The following BTBD9 variants were observed in gnomAD, a reference collection of about 807,000 sequenced individuals.
BTBD9 encodes BTB/POZ domain-containing protein 9.
A neutral mutation model predicts 64.3 loss-of-function variants in BTBD9; 49 were observed. That is an observed-to-expected ratio of 0.76 (90% CI 0.61 to 0.97). The LOEUF (loss-of-function observed/expected upper bound fraction) is 0.97. BTBD9 is among the 50% of genes least tolerant of loss of function. The pLI, the probability that BTBD9 is intolerant of heterozygous loss-of-function variation, is 0.00. For missense variants in BTBD9, 598 were observed against 762.1 expected (o/e 0.78, Z 2.53); for synonymous variants, 260 against 274.7 (o/e 0.95, Z 0.53).
intron 9 of BTBD9, among the ~76,000 whole-genome samples, chr6:38,215,965 T>G (rs1762996392): frequency 6.6e-6 from 1 of 152,210 alleles, no homozygotes; most frequent in Non-Finnish European, 1.5e-5. Context: ...CTTGCCTAAA[T>G]ACTGCCCCAG....
chr6:38,366,267 C>T (rs570675035), intron 6 of BTBD9, among the ~76,000 whole-genome samples: 1 of 152,236 alleles, frequency 6.6e-6, no homozygotes, highest in Admixed American at 6.5e-5. Context: ...ATAAGTACCC[C>T]CTTCCTTGCT....
At position 38,586,417 on chromosome 6, in the gene BTBD9, A is replaced by G. The variant is rs944092510; in HGVS notation, c.815-5980T>C. Among the ~76,000 whole-genome samples the G allele has an allele frequency of 2.7e-4, 35 of 127,970 alleles. 1 individual carries two copies. Among genetic ancestry groups the G allele is most frequent in the Admixed American group, 2.6e-3 (34 of 13,010 alleles). 84.0% of individuals were successfully genotyped at this position (127,970 alleles called of 152,430 possible). On this transcript the variant is annotated intron_variant, in intron 4 of 10. Coordinates refer to ENST00000481247, the MANE Select transcript of BTBD9 (RefSeq NM_001099272.2). ...AACACTGTTTGGATCTTTTTTTTTT[A>G]AGGGGGAAAAAAAATCCCTGTAATT...
chr6:38,568,426 C>T (rs1457135314), intron 6 of BTBD9, among the ~76,000 whole-genome samples: 1 of 152,202 alleles, frequency 6.6e-6, no homozygotes, highest in Non-Finnish European at 1.5e-5. Context: ...GTCCTAGAAA[C>T]TCTTCCTCAC....
At chr6:38,332,273 G>A (rs1763705083) in intron 7 of BTBD9, among the ~76,000 whole-genome samples, 1 of 152,166 alleles carries the variant, frequency 6.6e-6, no homozygotes, top group South Asian at 2.1e-4. Context: ...TATTAATACA[G>A]TTTCCTACAG....
chr6:38,627,195 G>A (rs1459467509), intron 1 of BTBD9, among the ~76,000 whole-genome samples: 4 of 152,204 alleles, frequency 2.6e-5, no homozygotes, highest in Non-Finnish European at 2.9e-5. Flanking sequence ...ATGCAGGTCA[G>A]AAAATAAAGG....
chr6:38,613,330 TA>T (rs1206686613), intron 1 of BTBD9, among the ~76,000 whole-genome samples: 2 of 152,270 alleles, frequency 1.3e-5, no homozygotes, highest in East Asian at 3.9e-4. Flanking sequence ...CTGCCAGAAT[TA>T]AAATCTCAGG....
chr6:38,295,139 T>C (rs1419498707), intron 7 of BTBD9, among the ~76,000 whole-genome samples: 2 of 152,184 alleles, frequency 1.3e-5, no homozygotes, highest in Admixed American at 1.3e-4. Context: ...TTATGACTTA[T>C]GCTTTTCCCT....
intron 6 of BTBD9, among the ~76,000 whole-genome samples, chr6:38,574,060 C>T (rs1359118306): frequency 1.3e-5 from 2 of 152,166 alleles, no homozygotes; most frequent in South Asian, 2.1e-4. Context: ...TCTCCATCTC[C>T]AGTTAAAGGC....
At chr6:38,509,024 G>A (rs552992315) in intron 6 of BTBD9, among the ~76,000 whole-genome samples, 1 of 152,270 alleles carries the variant, frequency 6.6e-6, no homozygotes, top group South Asian at 2.1e-4. Flanking sequence ...CCAGGACAGG[G>A]ACTCTAGCAT....
intron 6 of BTBD9, among the ~76,000 whole-genome samples, chr6:38,524,905 T>C (rs1773419397): frequency 6.6e-6 from 1 of 152,178 alleles, no homozygotes; most frequent in Non-Finnish European, 1.5e-5. Flanking sequence ...CTGGAGTAGC[T>C]GGTAGTGTCA....
At chr6:38,293,288 T>G (rs901247888) in intron 7 of BTBD9, among the ~76,000 whole-genome samples, 2 of 152,212 alleles carry the variant, frequency 1.3e-5, no homozygotes, top group Non-Finnish European at 2.9e-5. Flanking sequence ...CAAGCTCCAT[T>G]GAATTTCTTC....
In BTBD9 at chr6:38,572,793, T is replaced by A. The variant is rs149832133; in HGVS notation, c.1154+4807A>T. 6.3e-3 allele frequency among the ~76,000 whole-genome samples: 919 copies of A among 146,808 alleles called. 4 individuals carry two copies. Among genetic ancestry groups the A allele is most frequent in the African/African-American group, 9.6e-3 (383 of 39,880 alleles). ...AAAAAAAAACAAGTAGTGGAAAAAA[T>A]ATATATATATACATAAAAGTTTAAC... On this transcript the variant is annotated intron_variant, in intron 6 of 10. Coordinates refer to ENST00000481247, the MANE Select transcript of BTBD9 (RefSeq NM_001099272.2).
intron 1 of BTBD9, among the ~76,000 whole-genome samples, chr6:38,620,052 C>T (rs1167706146): frequency 6.6e-6 from 1 of 152,204 alleles, no homozygotes; most frequent in Non-Finnish European, 1.5e-5. Context: ...GACCCCACCA[C>T]TTTTCCTTAT....
At chr6:38,409,408 T>C (rs1024015193) in intron 6 of BTBD9, among the ~76,000 whole-genome samples, 3 of 152,218 alleles carry the variant, frequency 2.0e-5, no homozygotes, top group African/African-American at 7.2e-5. Context: ...AGATGTAAGA[T>C]AGAGTACCCT....
At chr6:38,617,413 G>C (rs1363097523) in intron 1 of BTBD9, among the ~76,000 whole-genome samples, 2 of 152,082 alleles carry the variant, frequency 1.3e-5, no homozygotes, top group Non-Finnish European at 2.9e-5. Context: ...GGCTAGTCCT[G>C]CTTCTCAAAA....
chr6:38,361,726 G>C (rs568205289), intron 6 of BTBD9, among the ~76,000 whole-genome samples: 1 of 152,064 alleles, frequency 6.6e-6, no homozygotes, highest in Non-Finnish European at 1.5e-5. Context: ...TGTAATCCCA[G>C]CTACCCAAGA....
At chr6:38,600,476 T>C (rs1777201695) in intron 1 of BTBD9, among the ~76,000 whole-genome samples, 1 of 152,138 alleles carries the variant, frequency 6.6e-6, no homozygotes, top group Non-Finnish European at 1.5e-5. Context: ...CTATGATCAT[T>C]TCCTATGTTG....
chr6:38,209,364 C>T (rs1024861498), intron 9 of BTBD9, among the ~76,000 whole-genome samples: 3 of 152,192 alleles, frequency 2.0e-5, no homozygotes, highest in African/African-American at 7.2e-5. Context: ...AATCATGTTT[C>T]AGGATTAAGA....
chr6:38,364,544 A>G (rs1285551227), intron 6 of BTBD9, among the ~76,000 whole-genome samples: 1 of 152,242 alleles, frequency 6.6e-6, no homozygotes, highest in African/African-American at 2.4e-5. Context: ...AAGTATTTAG[A>G]ATTAACACTT....
Sources: allele counts gnomAD v4.1 joint callset (sites outside exome capture counted in the v4.1 genomes callset), GRCh38; gene constraint gnomAD v4.1.1; transcripts MANE v1.5; gene names NCBI Gene and HGNC (gene_info 2026-07-23, HGNC 2026-07-21).